The following FHIT variants were observed in gnomAD, a reference collection of about 807,000 sequenced individuals.
FHIT encodes fragile histidine triad diadenosine triphosphatase, also known as bis(5'-adenosyl)-triphosphatase.
In FHIT, 19 loss-of-function variants were observed where a neutral mutation model predicts 17.9. The observed-to-expected ratio is 1.06, with a 90% confidence interval of 0.74 to 1.56. The LOEUF is 1.56. Ranked by LOEUF, FHIT falls within the 40% of genes most tolerant of loss-of-function variation. The pLI is 0.00. For synonymous variants in FHIT, 81 were observed against 69.7 expected (o/e 1.16, Z -0.81); for missense variants, 248 against 189.2 (o/e 1.31, Z -1.82).
intron 5 of FHIT, among the ~76,000 whole-genome samples, chr3:60,355,483 A>G (rs908374219): frequency 6.6e-6 from 1 of 152,242 alleles, no homozygotes; most frequent in African/African-American, 2.4e-5. Context: ...TTGAGAAAAA[A>G]AAAAGCAAAG....
chr3:60,679,726 T>C (rs2040702462), intron 4 of FHIT, among the ~76,000 whole-genome samples: 1 of 152,074 alleles, frequency 6.6e-6, no homozygotes, highest in East Asian at 1.9e-4. Flanking sequence ...ATGAGATTAC[T>C]AGATCAAAAA....
chr3:60,406,419 A>G (rs756107985), intron 5 of FHIT, among the ~76,000 whole-genome samples: 1 of 152,128 alleles, frequency 6.6e-6, no homozygotes, highest in Non-Finnish European at 1.5e-5. Flanking sequence ...GAAACCTATT[A>G]CTGCTAGCCT....
At chr3:59,948,613 T>C (rs1706955277) in intron 7 of FHIT, among the ~76,000 whole-genome samples, 1 of 152,100 alleles carries the variant, frequency 6.6e-6, no homozygotes, top group Non-Finnish European at 1.5e-5. Flanking sequence ...TCAGAGAGAT[T>C]TGGTTTCTGT....
chr3:60,378,689 T>G (rs1700677871), intron 5 of FHIT, among the ~76,000 whole-genome samples: 1 of 152,172 alleles, frequency 6.6e-6, no homozygotes, highest in Non-Finnish European at 1.5e-5. Flanking sequence ...AATTTCAAGA[T>G]GGGTGTGACA....
chr3:60,320,934 A>G (rs531915916), intron 5 of FHIT, among the ~76,000 whole-genome samples: 2 of 152,372 alleles, frequency 1.3e-5, no homozygotes, highest in South Asian at 2.1e-4. Flanking sequence ...TTTATTAAAT[A>G]AAACATGTTC....
chr3:60,429,235 CTTCT>C (rs926549217), intron 5 of FHIT, among the ~76,000 whole-genome samples: 5 of 151,916 alleles, frequency 3.3e-5, no homozygotes, highest in East Asian at 1.9e-4. Flanking sequence ...TTATAAATAC[CTTCT>C]TTAAGTGATT....
chr3:60,289,737 C>G (rs1036719098), intron 5 of FHIT, among the ~76,000 whole-genome samples: 1 of 152,128 alleles, frequency 6.6e-6, no homozygotes, highest in Non-Finnish European at 1.5e-5. Flanking sequence ...GTTCCGTGTT[C>G]TCCCAAGAAT....
chr3:59,857,551 C>G (rs1285848500), intron 8 of FHIT, among the ~76,000 whole-genome samples: 3 of 151,888 alleles, frequency 2.0e-5, no homozygotes, highest in Non-Finnish European at 2.9e-5. Context: ...TAATATTCCA[C>G]CCTATTCTTT....
chr3:60,143,094 C>T (rs954415765), intron 5 of FHIT, among the ~76,000 whole-genome samples: 1 of 152,124 alleles, frequency 6.6e-6, no homozygotes, highest in African/African-American at 2.4e-5. Context: ...TTAAAATATA[C>T]TAAATGCCCA....
At chr3:60,571,857 T>C (rs2037395576) in intron 4 of FHIT, among the ~76,000 whole-genome samples, 2 of 152,196 alleles carry the variant, frequency 1.3e-5, no homozygotes, top group Non-Finnish European at 1.5e-5. Context: ...TCTCTTTCCA[T>C]AGCATCTTCC....
At chr3:60,321,496 A>T (rs1178672482) in intron 5 of FHIT, among the ~76,000 whole-genome samples, 1 of 152,078 alleles carries the variant, frequency 6.6e-6, no homozygotes, top group Non-Finnish European at 1.5e-5. Flanking sequence ...AAAAATTCTT[A>T]TAGCCACCTA....
At chr3:60,660,399 G>A (rs184819637) in intron 4 of FHIT, among the ~76,000 whole-genome samples, 127 of 152,216 alleles carry the variant, frequency 8.3e-4, no homozygotes, top group Non-Finnish European at 1.3e-3. Context: ...GGATGCCTGC[G>A]AGTGGGGTAT....
intron 5 of FHIT, among the ~76,000 whole-genome samples, chr3:60,514,257 A>G (rs1029888496): frequency 6.6e-6 from 1 of 152,248 alleles, no homozygotes; most frequent in Non-Finnish European, 1.5e-5. Flanking sequence ...GTGGATGGCA[A>G]GGCTAAAAGA....
intron 5 of FHIT, among the ~76,000 whole-genome samples, chr3:60,111,503 A>G (rs79812815): frequency 0.059 from 9,002 of 152,282 alleles, 921 homozygotes; most frequent in African/African-American, 0.2. Context: ...AGTTTCTTCC[A>G]GCAATGTAAT....
At chr3:60,006,902 T>C (rs1191544295) in intron 7 of FHIT, among the ~76,000 whole-genome samples, 1 of 152,208 alleles carries the variant, frequency 6.6e-6, no homozygotes, top group East Asian at 1.9e-4. Flanking sequence ...GCTTCCTTTT[T>C]ATCTCATTTA....
chr3:60,199,015 T>A (rs1002951098), intron 5 of FHIT, among the ~76,000 whole-genome samples: 1 of 152,174 alleles, frequency 6.6e-6, no homozygotes, highest in Admixed American at 6.6e-5. Context: ...GTTAAGGCAT[T>A]GTTTTCTAAA....
intron 5 of FHIT, among the ~76,000 whole-genome samples, chr3:60,532,204 C>T (rs1434671713): frequency 6.6e-6 from 1 of 152,166 alleles, no homozygotes; most frequent in Non-Finnish European, 1.5e-5. Context: ...AATTCATCCA[C>T]AAATGTTGCT....
At chr3:59,775,348 CA>C (rs1393829487) in intron 8 of FHIT, among the ~76,000 whole-genome samples, 1 of 152,166 alleles carries the variant, frequency 6.6e-6, no homozygotes. Flanking sequence ...GACCAGGCCA[CA>C]GGCTCCGGCA....
intron 5 of FHIT, among the ~76,000 whole-genome samples, chr3:60,499,622 G>A (rs1412772056): frequency 6.6e-6 from 1 of 151,994 alleles, no homozygotes; most frequent in Non-Finnish European, 1.5e-5. Flanking sequence ...CTCGTGATCC[G>A]CCCGCCTCGG....
Sources: allele counts gnomAD v4.1 joint callset (sites outside exome capture counted in the v4.1 genomes callset), GRCh38; gene constraint gnomAD v4.1.1; transcripts MANE v1.5; gene names NCBI Gene and HGNC (gene_info 2026-07-23, HGNC 2026-07-21).